Variants in TMEM108 observed in about 807,000 individuals in gnomAD.
TMEM108 encodes the protein transmembrane protein 108.
A neutral mutation model predicts 35.1 loss-of-function variants in TMEM108; 12 were observed. The observed-to-expected ratio is 0.34, with a 90% CI of 0.22 to 0.55. TMEM108 has a LOEUF of 0.55. TMEM108 is among the 20% of genes least tolerant of loss of function. The pLI, the probability that TMEM108 is intolerant of heterozygous loss-of-function variation, is 0.89. For synonymous variants in TMEM108, 287 were observed against 308.6 expected (o/e 0.93, Z 0.73); for missense variants, 680 against 753.3 (o/e 0.90, Z 1.14).
chr3:133,302,482 G>A (rs1270170136), intron 3 of TMEM108, among the ~76,000 whole-genome samples: 1 of 133,130 alleles, frequency 7.5e-6, no homozygotes, highest in African/African-American at 2.9e-5. Context: ...ATGCAGTGGT[G>A]TGATCTCGGC....
At chr3:133,134,811 T>C (rs536934366) in intron 2 of TMEM108, among the ~76,000 whole-genome samples, 1 of 152,184 alleles carries the variant, frequency 6.6e-6, no homozygotes, top group Admixed American at 6.5e-5. Flanking sequence ...TAGTATCCAT[T>C]ATACTACTCT....
Position 133,128,182 on chromosome 3 carries a change from G to A in TMEM108, c.-47+82162G>A, listed in dbSNP as rs73007481. Among the ~76,000 whole-genome samples, 346 of 152,308 alleles carry A rather than the reference G, an allele frequency of 2.3e-3. 2 individuals carry two copies. The highest frequency in any genetic ancestry group is 7.9e-3 in the African/African-American group (330 of 41,562). On this transcript the variant is annotated intron_variant, in intron 2 of 5. Coordinates refer to ENST00000321871, the MANE Select transcript of TMEM108 (RefSeq NM_023943.4). ...CACTCATAGGTTAAAGAGCACAGAA[G>A]TCTGTCATTTTCTCTTGGGTACCTG...
At position 133,270,794 on chromosome 3, in the gene TMEM108, TACACACAC is replaced by T. The variant is rs71624011; in HGVS notation, c.40+41462_40+41469del. Among the ~76,000 whole-genome samples, 63 of 148,678 alleles carry T rather than the reference TACACACAC, an allele frequency of 4.2e-4. 1 individual carries two copies. The highest frequency in any genetic ancestry group is 1.4e-3 in the East Asian group (7 of 5,030). On this transcript the variant is annotated intron_variant, in intron 3 of 5. Transcript: ENST00000321871. ...TATAAGACTGCCTGTTCGAAGAATG[TACACACAC>T]ACACACACACACACACACTCACACA...
chr3:133,237,457 C>A (rs180798850), intron 3 of TMEM108, among the ~76,000 whole-genome samples: 71 of 152,210 alleles, frequency 4.7e-4, no homozygotes, highest in African/African-American at 1.6e-3. Context: ...CAGGTCTTCT[C>A]CTTCTAATTC....
At chr3:133,262,260 A>G (rs904098650) in intron 3 of TMEM108, among the ~76,000 whole-genome samples, 3 of 152,244 alleles carry the variant, frequency 2.0e-5, no homozygotes, top group Admixed American at 6.5e-5. Context: ...TTATAATTTC[A>G]TACTGAATGC....
intron 2 of TMEM108, among the ~76,000 whole-genome samples, chr3:133,165,329 A>T (rs1945021368): frequency 6.6e-6 from 1 of 152,218 alleles, no homozygotes; most frequent in South Asian, 2.1e-4. Context: ...TGAGGGACTA[A>T]ATACCAAAGG....
At chr3:133,175,976 G>T (rs1432308720) in intron 2 of TMEM108, among the ~76,000 whole-genome samples, 1 of 152,124 alleles carries the variant, frequency 6.6e-6, no homozygotes, top group Non-Finnish European at 1.5e-5. Flanking sequence ...GATGGAGGAA[G>T]ATCTACCAAG....
intron 2 of TMEM108, among the ~76,000 whole-genome samples, chr3:133,171,812 C>T (rs1367891469): frequency 6.6e-6 from 1 of 152,088 alleles, no homozygotes; most frequent in East Asian, 1.9e-4. Flanking sequence ...TTTGAAAAAA[C>T]CTAACTCTTA....
intron 2 of TMEM108, among the ~76,000 whole-genome samples, chr3:133,103,719 A>G (rs145358648): frequency 1.3e-5 from 2 of 152,342 alleles, no homozygotes; most frequent in East Asian, 3.9e-4. Flanking sequence ...AACCAGTGCA[A>G]CATTCCTTGA....
At chr3:133,273,586 G>A (rs980290162) in intron 3 of TMEM108, among the ~76,000 whole-genome samples, 9 of 152,204 alleles carry the variant, frequency 5.9e-5, no homozygotes, top group Non-Finnish European at 1.0e-4. Context: ...TTCTTCAGGA[G>A]TGTGAGTTCT....
intron 2 of TMEM108, among the ~76,000 whole-genome samples, chr3:133,083,500 C>G (rs1250246859): frequency 6.6e-6 from 1 of 152,154 alleles, no homozygotes; most frequent in Non-Finnish European, 1.5e-5. Flanking sequence ...TGGTTTAATA[C>G]TGTTCTTAGA....
In TMEM108 at chr3:133,379,918, T is replaced by C; in HGVS notation, c.207T>C (p.Asn69=). 1.9e-6 allele frequency: 3 copies of C among 1,613,186 alleles called. No homozygotes were observed. The highest frequency in any genetic ancestry group is 1.1e-5 in the South Asian group (1 of 91,010). The part of the protein sequence containing the change: ...RHTSVVMLTP[N]PDGPPSQAAA... ...CTTCTGTGGTGATGCTGACCCCCAA[T>C]CCCGATGGACCCCCCTCACAGGCTG... The change falls in exon 4 of 6, where the codon AAT becomes AAC. Residue 69 remains asparagine, a synonymous_variant. Transcript: ENST00000321871.
At chr3:133,234,184 T>G (rs1946197967) in intron 3 of TMEM108, among the ~76,000 whole-genome samples, 1 of 152,132 alleles carries the variant, frequency 6.6e-6, no homozygotes. Context: ...GTCTAACATT[T>G]AAGTCTTTAA....
At chr3:133,160,052 A>C (rs1027558785) in intron 2 of TMEM108, among the ~76,000 whole-genome samples, 11 of 152,198 alleles carry the variant, frequency 7.2e-5, no homozygotes, top group Non-Finnish European at 8.8e-5. Context: ...TTGTTGACAG[A>C]CGCCTTCTTT....
intron 3 of TMEM108, among the ~76,000 whole-genome samples, chr3:133,299,457 C>T (rs17297754): frequency 0.32 from 48,758 of 151,838 alleles, 8,575 homozygotes; most frequent in East Asian, 0.48. Context: ...GCTAAGGGGA[C>T]TTGTTGTGAA....
intron 3 of TMEM108, among the ~76,000 whole-genome samples, chr3:133,332,367 A>G (rs892895356): frequency 4.6e-5 from 7 of 152,202 alleles, no homozygotes; most frequent in African/African-American, 1.4e-4. Context: ...CATATTAGGA[A>G]GGACAGTGTA....
chr3:133,126,744 T>C (rs1323746841), intron 2 of TMEM108, among the ~76,000 whole-genome samples: 1 of 152,170 alleles, frequency 6.6e-6, no homozygotes, highest in Non-Finnish European at 1.5e-5. Flanking sequence ...TCCCCACAGA[T>C]ACCAAAATCT....
intron 3 of TMEM108, among the ~76,000 whole-genome samples, chr3:133,309,523 A>C (rs568406423): frequency 2.6e-4 from 40 of 152,084 alleles, no homozygotes; most frequent in African/African-American, 9.4e-4. Context: ...CCCTCTACAC[A>C]CTGCTTTAAA....
At chr3:133,216,807 T>C (rs993908316) in intron 2 of TMEM108, among the ~76,000 whole-genome samples, 3 of 152,142 alleles carry the variant, frequency 2.0e-5, no homozygotes, top group Non-Finnish European at 4.4e-5. Flanking sequence ...TGTATATATA[T>C]ACCACAATTT....
Sources: allele counts gnomAD v4.1 joint callset (sites outside exome capture counted in the v4.1 genomes callset), GRCh38; gene constraint gnomAD v4.1.1; transcripts MANE v1.5; gene names NCBI Gene and HGNC (gene_info 2026-07-23, HGNC 2026-07-21).